LHFPL3: variants seen among roughly 807,000 people sequenced by gnomAD.
The protein encoded by LHFPL3 is LHFPL tetraspan subfamily member 3 protein.
A neutral mutation model predicts 19.3 loss-of-function variants in LHFPL3; 5 were observed. That is an observed-to-expected ratio of 0.26 (90% CI 0.14 to 0.54). The LOEUF (loss-of-function observed/expected upper bound fraction) is 0.54. Among genes scored for constraint, LHFPL3 ranks in the 20% least tolerant of loss-of-function variants. The pLI is 0.94. For missense variants in LHFPL3, 249 were observed against 307.4 expected (o/e 0.81, Z 1.42); for synonymous variants, 133 against 126.2 (o/e 1.05, Z -0.36).
chr7:104,668,926 C>G, intron 1 of LHFPL3: 2 of 1,612,468 alleles, frequency 1.2e-6, no homozygotes, highest in Non-Finnish European at 1.7e-6. Context: ...TGGGCCAAAA[C>G]TAGAACGACG....
chr7:104,685,336 A>T (rs1362185983), intron 1 of LHFPL3, among the ~76,000 whole-genome samples: 1 of 152,196 alleles, frequency 6.6e-6, no homozygotes, highest in Non-Finnish European at 1.5e-5. Flanking sequence ...ACAGAGTAAG[A>T]TTCTGCTCAA....
chr7:104,748,260 A>G (rs1794088550), intron 2 of LHFPL3, among the ~76,000 whole-genome samples: 1 of 151,980 alleles, frequency 6.6e-6, no homozygotes, highest in Non-Finnish European at 1.5e-5. Context: ...GTATTGTCCA[A>G]GGTTTCTCCC....
intron 1 of LHFPL3, among the ~76,000 whole-genome samples, chr7:104,445,996 T>C (rs1455122357): frequency 6.6e-6 from 1 of 152,210 alleles, no homozygotes; most frequent in Non-Finnish European, 1.5e-5. Flanking sequence ...GACGTTGTTC[T>C]TATCGACAGG....
chr7:104,792,317 C>T (rs543604988), intron 2 of LHFPL3, among the ~76,000 whole-genome samples: 3 of 152,298 alleles, frequency 2.0e-5, no homozygotes, highest in African/African-American at 7.2e-5. Context: ...CAAGCAAACT[C>T]CTTTCTGGCC....
chr7:104,583,435 G>A (rs1161440552), intron 1 of LHFPL3, among the ~76,000 whole-genome samples: 1 of 152,106 alleles, frequency 6.6e-6, no homozygotes, highest in Admixed American at 6.6e-5. Context: ...AAAAGCAATC[G>A]CAACAAAAGC....
intron 2 of LHFPL3, among the ~76,000 whole-genome samples, chr7:104,759,146 C>T (rs56971300): frequency 0.24 from 37,198 of 152,042 alleles, 4,754 homozygotes; most frequent in South Asian, 0.48. Flanking sequence ...TAAAGAACTC[C>T]CATTTCCTGA....
chr7:104,429,437 A>G (rs1791910389), intron 1 of LHFPL3, among the ~76,000 whole-genome samples: 1 of 149,992 alleles, frequency 6.7e-6, no homozygotes, highest in Admixed American at 6.7e-5. Context: ...CCTCCCAAGT[A>G]GCTGAGATTA....
chr7:104,411,915 A>G (rs969515375), intron 1 of LHFPL3, among the ~76,000 whole-genome samples: 1 of 152,196 alleles, frequency 6.6e-6, no homozygotes, highest in Admixed American at 6.5e-5. Flanking sequence ...GTTTTTAAAA[A>G]TCTGATTCAA....
chr7:104,709,101 G>A (rs1237764542), intron 1 of LHFPL3, among the ~76,000 whole-genome samples: 1 of 151,968 alleles, frequency 6.6e-6, no homozygotes, highest in Non-Finnish European at 1.5e-5. Context: ...CAACAACAAG[G>A]AAAATCAGTG....
rs1387267288 is a variant in LHFPL3, at chr7:104,417,851, TTTCTAATTCTTCTTC to T, written c.445+88632_445+88646del. Among the ~76,000 whole-genome samples the T allele has an allele frequency of 8.7e-5, 13 of 148,996 alleles. No homozygotes were observed. In the East Asian group the frequency reaches 2.8e-3, roughly 32 times the overall value. On this transcript the variant is annotated intron_variant, in intron 1 of 2. Transcript: ENST00000424859. ...ATTTTTACTGTTATTCGTATTTTCT[TTTCTAATTCTTCTTC>T]TTCTTCTTCTTCTTCTTCTTTTTTT...
At chr7:104,540,347 C>T (rs991626245) in intron 1 of LHFPL3, among the ~76,000 whole-genome samples, 1 of 152,044 alleles carries the variant, frequency 6.6e-6, no homozygotes, top group Non-Finnish European at 1.5e-5. Context: ...GCTGATTTTG[C>T]CCCCCAGGTT....
At chr7:104,818,068 C>T (rs1480739986) in intron 2 of LHFPL3, among the ~76,000 whole-genome samples, 1 of 152,158 alleles carries the variant, frequency 6.6e-6, no homozygotes, top group African/African-American at 2.4e-5. Flanking sequence ...TTGGGCAGTG[C>T]TGACTTAGAG....
chr7:104,541,073 G>A (rs568016031), intron 1 of LHFPL3, among the ~76,000 whole-genome samples: 1 of 148,182 alleles, frequency 6.7e-6, no homozygotes, highest in Non-Finnish European at 1.5e-5. Context: ...TTATGCTTCT[G>A]CTTATTTTCC....
At chr7:104,514,835 A>G (rs41056) in intron 1 of LHFPL3, among the ~76,000 whole-genome samples, 114,769 of 152,100 alleles carry the variant, frequency 0.75, 43,820 homozygotes, top group African/African-American at 0.87. Context: ...AAGAACCAGG[A>G]GACTGAGCTT....
chr7:104,710,987 A>C lies in LHFPL3; in HGVS notation c.446-25688A>C, dbSNP rs147320881. On this transcript the variant is annotated intron_variant, in intron 1 of 2. Transcript: ENST00000424859. ...GTGTCCAAGGATGAACACTGATACCATGAGAATAAGGGGCAAGAATTTAGG... is the reference window on the plus strand; with the variant it reads ...GTGTCCAAGGATGAACACTGATACCCTGAGAATAAGGGGCAAGAATTTAGG... Among the ~76,000 whole-genome samples, 515 of 152,318 alleles carry C rather than the reference A, an allele frequency of 3.4e-3. 2 individuals carry two copies. Among genetic ancestry groups the C allele is most frequent in the Non-Finnish European group, 5.2e-3 (357 of 68,026 alleles).
At chr7:104,567,620 C>G (rs986232006) in intron 1 of LHFPL3, among the ~76,000 whole-genome samples, 2 of 152,158 alleles carry the variant, frequency 1.3e-5, no homozygotes, top group Non-Finnish European at 2.9e-5. Flanking sequence ...TCACTTTAGT[C>G]AGTCTAAGAA....
intron 1 of LHFPL3, among the ~76,000 whole-genome samples, chr7:104,521,285 T>C (rs1197861634): frequency 6.6e-6 from 1 of 152,236 alleles, no homozygotes; most frequent in Non-Finnish European, 1.5e-5. Flanking sequence ...TCCTGAGTTC[T>C]AGTTTGATTG....
chr7:104,497,559 G>A (rs987929116), intron 1 of LHFPL3, among the ~76,000 whole-genome samples: 1 of 151,664 alleles, frequency 6.6e-6, no homozygotes. Context: ...CATTTTGGGG[G>A]TGAAATCTCA....
chr7:104,521,698 C>A (rs193242129), intron 1 of LHFPL3, among the ~76,000 whole-genome samples: 2,225 of 151,976 alleles, frequency 0.015, 53 homozygotes, highest in African/African-American at 0.051. Flanking sequence ...AAGAAAAAAA[C>A]AAACAACCCC....
Sources: allele counts gnomAD v4.1 joint callset (sites outside exome capture counted in the v4.1 genomes callset), GRCh38; gene constraint gnomAD v4.1.1; transcripts MANE v1.5; gene names NCBI Gene and HGNC (gene_info 2026-07-23, HGNC 2026-07-21).